WDPCP: variants seen among roughly 807,000 people sequenced by gnomAD.
WDPCP encodes the protein WD repeat containing planar cell polarity effector.
WDPCP carries 71 observed loss-of-function variants against 93.1 expected under a neutral mutation model. That is an observed-to-expected ratio of 0.76 (90% CI 0.63 to 0.93). The LOEUF is 0.93. WDPCP is among the 40% of genes least tolerant of loss of function. The pLI is 0.00. For synonymous variants in WDPCP, 315 were observed against 315.0 expected, an observed-to-expected ratio of 1.00 and a Z score of 0.00; for missense variants, 844 against 887.4, an observed-to-expected ratio of 0.95 and a Z score of 0.62.
intron 2 of WDPCP, among the ~76,000 whole-genome samples, chr2:63,784,183 T>C (rs1415603779): frequency 6.6e-6 from 1 of 151,828 alleles, no homozygotes; most frequent in Non-Finnish European, 1.5e-5. Context: ...CAAAAGTGTA[T>C]CAATGAGGGC....
intron 1 of WDPCP, among the ~76,000 whole-genome samples, chr2:63,515,549 G>C (rs1381220837): frequency 6.6e-6 from 1 of 152,180 alleles, no homozygotes; most frequent in Non-Finnish European, 1.5e-5. Context: ...GCTAGGAAAA[G>C]TGCAATTTGC....
chr2:63,515,852 T>A (rs1355814564), intron 1 of WDPCP, among the ~76,000 whole-genome samples: 1 of 152,074 alleles, frequency 6.6e-6, no homozygotes, highest in Non-Finnish European at 1.5e-5. Flanking sequence ...AAACCTCATC[T>A]CTACTAAAAA....
At chr2:63,716,521 G>T (rs781627021) in intron 2 of WDPCP, among the ~76,000 whole-genome samples, 24 of 152,226 alleles carry the variant, frequency 1.6e-4, no homozygotes, top group Non-Finnish European at 3.1e-4. Flanking sequence ...TTGAAAGGAA[G>T]TGTAAGTGCT....
At chr2:63,729,927 T>C (rs925735895) in intron 2 of WDPCP, among the ~76,000 whole-genome samples, 1 of 152,220 alleles carries the variant, frequency 6.6e-6, no homozygotes, top group Non-Finnish European at 1.5e-5. Flanking sequence ...ATATAGTCCA[T>C]GCTCATTTTT....
intron 9 of WDPCP, among the ~76,000 whole-genome samples, chr2:63,407,813 T>G (rs141708113): frequency 1.5e-4 from 23 of 152,304 alleles, no homozygotes; most frequent in Non-Finnish European, 2.6e-4. Flanking sequence ...TAATGCTGGT[T>G]GAAATATCAT....
intron 2 of WDPCP, among the ~76,000 whole-genome samples, chr2:63,714,451 G>A (rs1363946459): frequency 2.0e-5 from 3 of 151,998 alleles, no homozygotes; most frequent in Non-Finnish European, 4.4e-5. Context: ...TTAATGCTGT[G>A]GGTTTTCTCT....
intron 17 of WDPCP, among the ~76,000 whole-genome samples, chr2:63,142,847 TGTAC>T (rs1470695333): frequency 1.5e-5 from 2 of 133,814 alleles, no homozygotes; most frequent in Non-Finnish European, 3.3e-5. Flanking sequence ...TGTGTGTGTG[TGTAC>T]ACACATATAT....
At chr2:63,274,916 A>T (rs1682965325) in intron 13 of WDPCP, among the ~76,000 whole-genome samples, 1 of 152,206 alleles carries the variant, frequency 6.6e-6, no homozygotes, top group Non-Finnish European at 1.5e-5. Context: ...CAGAAGACTG[A>T]AGAGCAAAAA....
At chr2:63,348,661 A>G (rs1181079982) in intron 12 of WDPCP, among the ~76,000 whole-genome samples, 2 of 152,194 alleles carry the variant, frequency 1.3e-5, no homozygotes, top group Non-Finnish European at 2.9e-5. Context: ...TACGGATATT[A>G]TAATTACATG....
chr2:63,610,147 G>A (rs909576607), intron 3 of WDPCP, among the ~76,000 whole-genome samples: 3 of 152,104 alleles, frequency 2.0e-5, no homozygotes, highest in African/African-American at 7.2e-5. Flanking sequence ...CAAGCAGCAT[G>A]ATAATATGTG....
chr2:63,622,187 T>A, intron 3 of WDPCP: 1 of 1,594,724 alleles, frequency 6.3e-7, no homozygotes, highest in Non-Finnish European at 8.5e-7. Context: ...ACACAAACTG[T>A]TGCTGCTGCT....
intron 10 of WDPCP, among the ~76,000 whole-genome samples, chr2:63,394,252 G>A (rs2105060253): frequency 6.6e-6 from 1 of 152,102 alleles, no homozygotes; most frequent in Admixed American, 6.5e-5. Context: ...TTCAAAAGAA[G>A]ACATACATGC....
intron 3 of WDPCP, among the ~76,000 whole-genome samples, chr2:63,642,243 A>G (rs1709989250): frequency 6.6e-6 from 1 of 152,060 alleles, no homozygotes; most frequent in African/African-American, 2.4e-5. Context: ...GAAGTTGGGT[A>G]ACGTAATTCC....
chr2:63,609,365 AAAC>A (rs1200171508), intron 3 of WDPCP, among the ~76,000 whole-genome samples: 1 of 151,938 alleles, frequency 6.6e-6, no homozygotes, highest in Non-Finnish European at 1.5e-5. Flanking sequence ...TTTCAAAACA[AAAC>A]AACAACAACA....
intron 10 of WDPCP, among the ~76,000 whole-genome samples, chr2:63,399,359 C>G (rs763620099): frequency 6.6e-6 from 1 of 151,974 alleles, no homozygotes; most frequent in Non-Finnish European, 1.5e-5. Flanking sequence ...AGTTTACAAG[C>G]TGGCAATTAG....
chr2:63,723,265 A>C (rs1349027135), intron 2 of WDPCP, among the ~76,000 whole-genome samples: 1 of 148,022 alleles, frequency 6.8e-6, no homozygotes, highest in Non-Finnish European at 1.5e-5. Context: ...TGTGAGAAAC[A>C]CCCAAGAATT....
chr2:63,723,909 A>C (rs538610031), intron 2 of WDPCP, among the ~76,000 whole-genome samples: 2 of 152,288 alleles, frequency 1.3e-5, no homozygotes, highest in East Asian at 3.9e-4. Flanking sequence ...CTCTTGAAAA[A>C]TCTGTACAGA....
chr2:63,752,444 A>G (rs1669897789), intron 2 of WDPCP: 3 of 769,842 alleles, frequency 3.9e-6, no homozygotes, highest in Non-Finnish European at 7.0e-6. Context: ...CACCTCCTCC[A>G]TAGTGGCATA....
intron 14 of WDPCP, among the ~76,000 whole-genome samples, chr2:63,212,191 G>A (rs911175443): frequency 3.4e-4 from 51 of 152,088 alleles, no homozygotes; most frequent in Non-Finnish European, 6.8e-4. Context: ...TGAAATGAAG[G>A]AAAAAATGTT....
Sources: gnomAD v4.1 joint callset for allele counts (sites outside exome capture counted in the v4.1 genomes callset) on GRCh38, gnomAD v4.1.1 for gene constraint, MANE v1.5 for transcripts, NCBI Gene and HGNC (gene_info 2026-07-23, HGNC 2026-07-21) for gene names.